The following SP140L variants were observed in gnomAD, a reference collection of about 807,000 sequenced individuals.
SP140L encodes the protein SP140 like nuclear body protein.
A neutral mutation model predicts 84.3 loss-of-function variants in SP140L; 64 were observed. The observed-to-expected ratio is 0.76, with a 90% CI of 0.62 to 0.94. The LOEUF is 0.94. Among genes scored for constraint, SP140L ranks in the 40% least tolerant of loss-of-function variants. SP140L has a pLI of 0.00. For missense variants in SP140L, 628 were observed against 692.5 expected, an observed-to-expected ratio of 0.91 and a Z score of 1.05; for synonymous variants, 242 against 236.9, an observed-to-expected ratio of 1.02 and a Z score of -0.20.
chr2:230,376,858 TA>T (rs1333775335), intron 7 of SP140L, among the ~76,000 whole-genome samples: 2 of 152,064 alleles, frequency 1.3e-5, no homozygotes, highest in Admixed American at 1.3e-4. Context: ...AGTGCTGGCA[TA>T]AAAACACACA....
chr2:230,367,263 CT>C (rs2060910439), intron 5 of SP140L, among the ~76,000 whole-genome samples: 1 of 146,568 alleles, frequency 6.8e-6, no homozygotes, highest in Non-Finnish European at 1.5e-5. Context: ...ATTTTCTTTT[CT>C]TTTCTTTTTT....
At chr2:230,332,369 T>G (rs1272873090) in intron 2 of SP140L, among the ~76,000 whole-genome samples, 2 of 152,230 alleles carry the variant, frequency 1.3e-5, no homozygotes, top group Non-Finnish European at 2.9e-5. Context: ...CTTTAACCTT[T>G]TAGCTCTTCC....
In SP140L at chr2:230,328,789, ATG is replaced by A; in HGVS notation, c.66_67del (p.Asn22LysfsTer24). 1 of 1,612,994 alleles carries A rather than the reference ATG, an allele frequency of 6.2e-7. No homozygotes were observed. Among genetic ancestry groups the A allele is most frequent in the Non-Finnish European group, 8.5e-7 (1 of 1,179,344 alleles). On this transcript the variant is annotated frameshift_variant, in exon 2 of 19. Transcript: ENST00000415673. LOFTEE classifies it high-confidence loss of function. ...AACGGAGGTGTTTCACAAGTAGCAA[ATG>A]AGATGAACCATCTTCCTGCACACAG... is the stretch of plus-strand genomic sequence containing the variant.
intron 2 of SP140L, among the ~76,000 whole-genome samples, chr2:230,349,958 G>A (rs563586644): frequency 9.9e-5 from 15 of 152,230 alleles, no homozygotes; most frequent in South Asian, 6.2e-4. Context: ...GCAGTGAGCC[G>A]AGATCAAGCC....
rs567912354 is a variant in SP140L, at chr2:230,403,210, GT to G, written c.*324del. 8.4e-4 allele frequency: 172 copies of G among 205,706 alleles called. No homozygotes were observed. The highest frequency in any genetic ancestry group is 2.3e-3 in the South Asian group (23 of 10,048). 12.7% of individuals were successfully genotyped at this position (205,706 alleles called of 1,614,324 possible). ...ATTACTCACAAGACCTTTTTCCTCCGTTTTTTTTTTGAGATGGAGTCTCACA... is the reference window on the plus strand; with the variant it reads ...ATTACTCACAAGACCTTTTTCCTCCGTTTTTTTTTGAGATGGAGTCTCACA... On this transcript the variant is annotated 3_prime_UTR_variant, in exon 19 of 19. Coordinates refer to ENST00000415673, the MANE Select transcript of SP140L (RefSeq NM_138402.6).
chr2:230,351,847 A>G (rs770116628), intron 2 of SP140L, among the ~76,000 whole-genome samples: 3 of 152,084 alleles, frequency 2.0e-5, no homozygotes, highest in Non-Finnish European at 4.4e-5. Context: ...GCCTTTTGTC[A>G]TGTTACCCAG....
chr2:230,331,573 A>C (rs1184760888), intron 2 of SP140L, among the ~76,000 whole-genome samples: 1 of 152,362 alleles, frequency 6.6e-6, no homozygotes, highest in East Asian at 1.9e-4. Context: ...ACACTAAATG[A>C]ATAGATAAAT....
chr2:230,359,868 G>A lies in SP140L; in HGVS notation c.439+736G>A, dbSNP rs568174510. 4.7e-5 allele frequency among the ~76,000 whole-genome samples: 7 copies of A among 147,730 alleles called. No individual in the cohort carries two copies. In the East Asian group the frequency reaches 8.0e-4, roughly 17 times the overall value. On this transcript the variant is annotated intron_variant, in intron 4 of 18. Coordinates refer to ENST00000415673, the MANE Select transcript of SP140L (RefSeq NM_138402.6). The stretch of plus-strand genomic sequence containing the variant: ...AACCCTTTACCCACAAGGGATAAAA[G>A]AAACATTAATCAAATAATCACAAAA...
intron 14 of SP140L, among the ~76,000 whole-genome samples, chr2:230,399,590 C>A (rs191887221): frequency 6.6e-6 from 1 of 152,320 alleles, no homozygotes; most frequent in African/African-American, 2.4e-5. Flanking sequence ...GTCCTTCCCC[C>A]TCAAAGGTAG....
In SP140L at chr2:230,396,893, T is replaced by A. The variant is rs2062075156; in HGVS notation, c.1197+95T>A. 4.7e-6 allele frequency: 7 copies of A among 1,477,216 alleles called. No homozygotes were observed. The Admixed American group carries it at 1.1e-4, about 22-fold the overall frequency. 91.5% of individuals were successfully genotyped at this position (1,477,216 alleles called of 1,614,324 possible). ...ATGACTGCTGTTGCCTGAAGCATGT[T>A]CAGTCTCAGTTGGAGTATGTGGCTG... On this transcript the variant is annotated intron_variant, in intron 14 of 18. Transcript: ENST00000415673.
At chr2:230,386,435 A>G (rs1669369430) in intron 9 of SP140L, among the ~76,000 whole-genome samples, 1 of 152,314 alleles carries the variant, frequency 6.6e-6, no homozygotes, top group Non-Finnish European at 1.5e-5. Flanking sequence ...ACTCTGTCAC[A>G]CTTCTTTCTA....
In SP140L at chr2:230,370,893, T is replaced by A; in HGVS notation, c.524-15T>A. Reference sequence around the variant, plus strand: ...TGTGAAAATGAGAAGTGTTCCTATGTCATGTGTTTCTCAGGAGAAGTGCCA... The same window carrying A: ...TGTGAAAATGAGAAGTGTTCCTATGACATGTGTTTCTCAGGAGAAGTGCCA... On this transcript the variant is annotated splice_polypyrimidine_tract_variant and intron_variant, in intron 5 of 18. Coordinates refer to ENST00000415673, the MANE Select transcript of SP140L (RefSeq NM_138402.6). The A allele has an allele frequency of 6.2e-7, 1 of 1,612,624 alleles. No individual in the cohort carries two copies. Among genetic ancestry groups the A allele is most frequent in the Non-Finnish European group, 8.5e-7 (1 of 1,179,102 alleles).
intron 7 of SP140L, among the ~76,000 whole-genome samples, chr2:230,382,659 G>C (rs939051577): frequency 1.3e-5 from 2 of 152,188 alleles, no homozygotes; most frequent in African/African-American, 4.8e-5. Context: ...AAAGAATGAG[G>C]CATCATCCCT....
rs868263232 is a variant in SP140L, at chr2:230,400,059, A to G, written c.1198-68A>G. Reference sequence around the variant, plus strand: ...CTCACACATAAGCAGTGTGTTCTAGATGCCCAGAGGGGTGGCCTTCCTGAA... The same window carrying G: ...CTCACACATAAGCAGTGTGTTCTAGGTGCCCAGAGGGGTGGCCTTCCTGAA... On this transcript the variant is annotated intron_variant, in intron 14 of 18. Coordinates refer to ENST00000415673, the MANE Select transcript of SP140L (RefSeq NM_138402.6). 123 of 1,552,056 alleles carry G rather than the reference A, an allele frequency of 7.9e-5. No individual in the cohort carries two copies. The Middle Eastern group carries it at 1.7e-3, about 22-fold the overall frequency.
rs182587107 is a variant in SP140L, at chr2:230,397,298, G to A, written c.1197+500G>A. ...CAGGCCAAGCTATTATGTTTAAGGT[G>A]TGGAGCCTGTCATTAGTCCTGTAAA... On this transcript the variant is annotated intron_variant, in intron 14 of 18. Coordinates refer to ENST00000415673, the MANE Select transcript of SP140L (RefSeq NM_138402.6). 4.3e-4 allele frequency among the ~76,000 whole-genome samples: 65 copies of A among 152,338 alleles called. 1 individual carries two copies. The highest frequency in any genetic ancestry group is 7.2e-4 in the Admixed American group (11 of 15,310).
At chr2:230,333,559 G>A (rs1004343340) in intron 2 of SP140L, among the ~76,000 whole-genome samples, 3 of 152,054 alleles carry the variant, frequency 2.0e-5, no homozygotes, top group Non-Finnish European at 2.9e-5. Flanking sequence ...TTCTCATGAT[G>A]GTTTGCCTTG....
At chr2:230,332,306 T>G (rs904927213) in intron 2 of SP140L, among the ~76,000 whole-genome samples, 2 of 152,222 alleles carry the variant, frequency 1.3e-5, no homozygotes, top group Non-Finnish European at 2.9e-5. Context: ...AATACAAAAG[T>G]AGCTCTTTCG....
chr2:230,395,129 TGGCTAATTATTTGTATTTTTA>T (rs768124281), intron 13 of SP140L, among the ~76,000 whole-genome samples: 4 of 152,106 alleles, frequency 2.6e-5, no homozygotes, highest in Admixed American at 6.5e-5. Context: ...TCACCACACC[TGGCTAATTATTTGTATTTTTA>T]GTAGAGACAG....
At chr2:230,369,881 C>A (rs1017769879) in intron 5 of SP140L, among the ~76,000 whole-genome samples, 4 of 152,198 alleles carry the variant, frequency 2.6e-5, no homozygotes, top group Admixed American at 2.6e-4. Flanking sequence ...TCAAGTGATT[C>A]TCCTGCCTCA....
Sources: gnomAD v4.1 joint callset for allele counts (sites outside exome capture counted in the v4.1 genomes callset) on GRCh38, gnomAD v4.1.1 for gene constraint, MANE v1.5 for transcripts, NCBI Gene and HGNC (gene_info 2026-07-23, HGNC 2026-07-21) for gene names.